The following CPM variants were observed in gnomAD, a reference collection of about 807,000 sequenced individuals.
The protein encoded by CPM is renal carboxypeptidase.
A neutral mutation model predicts 46.4 loss-of-function variants in CPM; 35 were observed. The ratio of observed to expected loss-of-function variants is 0.75; its 90% CI spans 0.58 to 1.00. The LOEUF (loss-of-function observed/expected upper bound fraction) is 1.00. Among genes scored for constraint, CPM ranks in the 50% least tolerant of loss-of-function variants. The probability of loss-of-function intolerance (pLI) is 0.00; values close to 1 mark genes in which losing one functional copy is unlikely to be tolerated. For synonymous variants in CPM, 195 were observed against 195.3 expected (o/e 1.00, Z 0.01); for missense variants, 422 against 530.4 (o/e 0.80, Z 2.01).
chr12:68,866,318 C>G (rs1438129750), intron 7 of CPM, among the ~76,000 whole-genome samples: 1 of 151,362 alleles, frequency 6.6e-6, no homozygotes, highest in African/African-American at 2.4e-5. Context: ...ATTAGGGGGA[C>G]TCTGGATGTT....
At chr12:68,919,723 A>T (rs891961761) in intron 2 of CPM, among the ~76,000 whole-genome samples, 1 of 152,228 alleles carries the variant, frequency 6.6e-6, no homozygotes, top group Non-Finnish European at 1.5e-5. Flanking sequence ...CATAAATTGA[A>T]AGGAACTGAC....
intron 2 of CPM, among the ~76,000 whole-genome samples, chr12:68,906,839 G>A (rs1056914149): frequency 5.3e-5 from 8 of 152,176 alleles, no homozygotes; most frequent in African/African-American, 1.7e-4. Flanking sequence ...CCTATTTCCA[G>A]GCACTGTCCC....
intron 2 of CPM, among the ~76,000 whole-genome samples, chr12:68,914,519 T>C (rs1443884576): frequency 6.6e-6 from 1 of 152,212 alleles, no homozygotes; most frequent in Non-Finnish European, 1.5e-5. Context: ...ACACAGCTGT[T>C]ACACACTACC....
intron 2 of CPM, among the ~76,000 whole-genome samples, chr12:68,932,450 G>T (rs985900734): frequency 2.0e-5 from 3 of 152,210 alleles, no homozygotes; most frequent in African/African-American, 7.2e-5. Flanking sequence ...ATAATGGAAA[G>T]GACTCAGTGA....
chr12:68,849,708 G>C (rs1592620351), downstream of CPM: 2 of 147,984 alleles, frequency 1.4e-5, no homozygotes, highest in Non-Finnish European at 3.0e-5. Context: ...TTGAACTCCT[G>C]ACCTCGTGAT....
Position 68,856,368 on chromosome 12 carries a change from G to T in CPM, c.*69C>A. The stretch of plus-strand genomic sequence containing the variant: ...CAAGGTCCCACTAGAGTGAGTTAGG[G>T]TTGCAGTAACCTGGAGTGAGCAATC... On this transcript the variant is annotated 3_prime_UTR_variant, in exon 9 of 9. Coordinates refer to ENST00000551568, the MANE Select transcript of CPM (RefSeq NM_198320.5). The T allele has an allele frequency of 6.5e-7, 1 of 1,535,778 alleles. No homozygotes were observed.
intron 6 of CPM, among the ~76,000 whole-genome samples, chr12:68,867,425 A>G (rs1341468655): frequency 6.6e-6 from 1 of 152,208 alleles, no homozygotes; most frequent in African/African-American, 2.4e-5. Context: ...ATTCCTTTAA[A>G]ATATTTCTAC....
At chr12:68,843,233 A>T (rs1293612398) in intron 5 of CPM, 1 of 225,306 alleles carries the variant, frequency 4.4e-6, no homozygotes, top group Non-Finnish European at 8.8e-6. Context: ...AAGTATTATG[A>T]ACTCCAAATA....
chr12:68,855,345 A>C lies in CPM; in HGVS notation c.*1092T>G, dbSNP rs1884917344. 6.6e-6 allele frequency: 1 copy of C among 152,316 alleles called. No homozygotes were observed. Among genetic ancestry groups the C allele is most frequent in the Non-Finnish European group, 1.5e-5 (1 of 68,150 alleles). 9.4% of individuals were successfully genotyped at this position (152,316 alleles called of 1,614,324 possible). ...GATGGGTTGGAGGTACCTGTGAGTCACATCCAGGTGGATGTGTCCTGTGGG... is the reference window on the plus strand; with the variant it reads ...GATGGGTTGGAGGTACCTGTGAGTCCCATCCAGGTGGATGTGTCCTGTGGG... On this transcript the variant is annotated 3_prime_UTR_variant, in exon 9 of 9. Transcript: ENST00000551568.
intron 2 of CPM, among the ~76,000 whole-genome samples, chr12:68,886,207 C>T (rs1359537871): frequency 2.0e-5 from 3 of 151,958 alleles, no homozygotes; most frequent in African/African-American, 4.8e-5. Context: ...GATCCTGGAG[C>T]CTTTGAGATC....
chr12:68,848,904 GGTTTCA>G (rs1216780125), downstream of CPM: 1 of 151,882 alleles, frequency 6.6e-6, no homozygotes, highest in Non-Finnish European at 1.5e-5. Context: ...ATAGAGGCAG[GGTTTCA>G]CTATATTGGC....
At chr12:68,902,582 G>A (rs1047181359) in intron 2 of CPM, among the ~76,000 whole-genome samples, 1 of 152,152 alleles carries the variant, frequency 6.6e-6, no homozygotes, top group Non-Finnish European at 1.5e-5. Flanking sequence ...CATAATCATG[G>A]AATCAGAGGA....
chr12:68,906,697 G>A lies in CPM; in HGVS notation c.161-20808C>T, dbSNP rs934894879. On this transcript the variant is annotated intron_variant, in intron 2 of 8. Coordinates refer to ENST00000551568, the MANE Select transcript of CPM (RefSeq NM_198320.5). ...AGTAGAGACGGGTTTTCACCAAGCT[G>A]GTCTTGAACTCCTGACTTCAAATGA... is the stretch of plus-strand genomic sequence containing the variant. 2.6e-5 allele frequency among the ~76,000 whole-genome samples: 4 copies of A among 152,148 alleles called. No homozygotes were observed. The East Asian group carries it at 7.7e-4, about 29-fold the overall frequency.
In CPM at chr12:68,872,316, G is replaced by A. The variant is rs532602576; in HGVS notation, c.259-360C>T. Among the ~76,000 whole-genome samples, 7 of 145,644 alleles carry A rather than the reference G, an allele frequency of 4.8e-5. No individual in the cohort carries two copies. In the South Asian group the frequency reaches 1.1e-3, roughly 23 times the overall value. ...CACCCAGGCTGGAGTGCATTGGCGC[G>A]ATCTTGGCTCATTGCAACCTCCGCC... On this transcript the variant is annotated intron_variant, in intron 3 of 8. Coordinates refer to ENST00000551568, the MANE Select transcript of CPM (RefSeq NM_198320.5).
At chr12:68,905,327 C>T (rs1470497928) in intron 2 of CPM, among the ~76,000 whole-genome samples, 2 of 151,906 alleles carry the variant, frequency 1.3e-5, no homozygotes, top group Non-Finnish European at 2.9e-5. Flanking sequence ...GTCACCCAGA[C>T]TATAGTGCAG....
chr12:68,856,332 G>T lies in CPM; in HGVS notation c.*105C>A. On this transcript the variant is annotated 3_prime_UTR_variant, in exon 9 of 9. Transcript: ENST00000551568. ...TTCTCTTCTTCAGGAAGATCGTGGAGTTTCTCCAGTCAAGGTCCCACTAGA... is the reference window on the plus strand; with the variant it reads ...TTCTCTTCTTCAGGAAGATCGTGGATTTTCTCCAGTCAAGGTCCCACTAGA... 2 of 1,259,612 alleles carry T rather than the reference G, an allele frequency of 1.6e-6. No individual in the cohort carries two copies. The highest frequency in any genetic ancestry group is 2.2e-6 in the Non-Finnish European group (2 of 902,148). The allele number at this position is 1,259,612 out of a possible 1,614,324, so 78.0% of individuals were successfully genotyped here. A position where few individuals can be genotyped will look rare whatever the true frequency, so the allele number is the denominator to read the frequency against.
At chr12:68,947,648 A>T (rs571355555) in intron 1 of CPM, among the ~76,000 whole-genome samples, 1 of 151,402 alleles carries the variant, frequency 6.6e-6, no homozygotes, top group South Asian at 2.1e-4. Flanking sequence ...AATTTTATTT[A>T]TTATTATTTT....
In CPM at chr12:68,885,812, C is replaced by A; in HGVS notation, c.238G>T (p.Ala80Ser). ...CGTACCTCATCTCCATGCATATTTG[C>A]CACGTATTTGAACTCTGGAATCCCA... is the stretch of plus-strand genomic sequence containing the variant. ...RIGIPEFKYVANMHGDETVGR... is the reference protein window; with the variant it reads ...RIGIPEFKYVSNMHGDETVGR... Residue 80 changes from alanine (A) to serine (S), a missense_variant, in exon 3 of 9, where the codon GCA (alanine) becomes TCA (serine). Ala to Ser is a moderately conservative substitution (Grantham distance 99). Coordinates refer to ENST00000551568, the MANE Select transcript of CPM (RefSeq NM_198320.5). 1 of 1,613,950 alleles carries A rather than the reference C, an allele frequency of 6.2e-7. No individual in the cohort carries two copies. The highest frequency in any genetic ancestry group is 8.5e-7 in the Non-Finnish European group (1 of 1,179,912).
intron 2 of CPM, among the ~76,000 whole-genome samples, chr12:68,912,582 G>C (rs138794165): frequency 6.6e-6 from 1 of 152,208 alleles, no homozygotes; most frequent in African/African-American, 2.4e-5. Context: ...CTCCTTGTTG[G>C]TCACTTATGA....
Sources: gnomAD v4.1 joint callset for allele counts (sites outside exome capture counted in the v4.1 genomes callset) on GRCh38, gnomAD v4.1.1 for gene constraint, MANE v1.5 for transcripts, NCBI Gene and HGNC (gene_info 2026-07-23, HGNC 2026-07-21) for gene names.